SRSF1: variants seen among roughly 807,000 people sequenced by gnomAD.
SRSF1 encodes serine and arginine rich splicing factor 1.
In SRSF1, 1 loss-of-function variant was observed where a neutral mutation model predicts 25.9. The observed-to-expected ratio is 0.04, with a 90% CI of 0.01 to 0.18. The LOEUF is 0.18. Among genes scored for constraint, SRSF1 ranks in the 10% least tolerant of loss-of-function variants. The pLI, the probability that SRSF1 is intolerant of heterozygous loss-of-function variation, is 1.00. For missense variants in SRSF1, 65 were observed against 350.5 expected, an observed-to-expected ratio of 0.19 and a Z score of 6.50; for synonymous variants, 132 against 126.2, an observed-to-expected ratio of 1.05 and a Z score of -0.31.
chr17:57,996,530 A>T (rs1367958337), downstream of SRSF1, among the ~76,000 whole-genome samples: 1 of 150,386 alleles, frequency 6.6e-6, no homozygotes, highest in Non-Finnish European at 1.5e-5. Flanking sequence ...TTTACTATGT[A>T]GCTGAAGAAA....
At chr17:57,997,030 A>G (rs2075368216), downstream of SRSF1, among the ~76,000 whole-genome samples, 1 of 152,242 alleles carries the variant, frequency 6.6e-6, no homozygotes, top group Admixed American at 6.5e-5. Context: ...GAGGCAACTT[A>G]AAGCTTCCTC....
At position 58,006,244 on chromosome 17, in the gene SRSF1, T is replaced by C. The variant is rs139746168; in HGVS notation, c.379+99A>G. 2.2e-4 allele frequency: 305 copies of C among 1,412,968 alleles called. 2 individuals carry two copies. The African/African-American group carries it at 3.9e-3, about 18-fold the overall frequency. 87.5% of individuals were successfully genotyped at this position (1,412,968 alleles called of 1,614,324 possible). A position where few individuals can be genotyped will look rare whatever the true frequency, so the allele number is the denominator to read the frequency against. ...CCAAAAACTAAAGCAATTTAAGACC[T>C]AGCATGAAAAATTTGCAATTATTAA... is the stretch of plus-strand genomic sequence containing the variant. On this transcript the variant is annotated intron_variant, in intron 2 of 3. Coordinates refer to ENST00000258962, the MANE Select transcript of SRSF1 (RefSeq NM_006924.5).
chr17:57,991,216 T>A, the SRSF1 span: 2 of 152,234 alleles, frequency 1.3e-5, no homozygotes, highest in African/African-American at 2.4e-5. Context: ...CCTATTAAAA[T>A]CTGTTGTTCT....
Position 58,003,085 on chromosome 17 carries a change from T to G in SRSF1, c.*2321A>C, listed in dbSNP as rs911923281. ...TACTTACCTTTTTTTGAGATGAGTT[T>G]CATTGAGAATATCAAAAGCTATCTC... is the stretch of plus-strand genomic sequence containing the variant. On this transcript the variant is annotated 3_prime_UTR_variant, in exon 4 of 4. Transcript: ENST00000258962. Among the ~76,000 whole-genome samples, 2 of 152,248 alleles carry G rather than the reference T, an allele frequency of 1.3e-5. No homozygotes were observed. Among genetic ancestry groups the G allele is most frequent in the Non-Finnish European group, 1.5e-5 (1 of 68,040 alleles).
At chr17:57,998,773 T>C (rs2075374140), downstream of SRSF1, among the ~76,000 whole-genome samples, 4 of 152,330 alleles carry the variant, frequency 2.6e-5, no homozygotes, top group South Asian at 6.2e-4. Context: ...CTTGATTACT[T>C]TTCCCCCCAC....
In SRSF1 at chr17:58,003,141, T is replaced by C. The variant is rs1246616120; in HGVS notation, c.*2265A>G. Among the ~76,000 whole-genome samples, 2 of 152,220 alleles carry C rather than the reference T, an allele frequency of 1.3e-5. No individual in the cohort carries two copies. Among genetic ancestry groups the C allele is most frequent in the African/African-American group, 4.8e-5 (2 of 41,458 alleles). On this transcript the variant is annotated 3_prime_UTR_variant, in exon 4 of 4. Coordinates refer to ENST00000258962, the MANE Select transcript of SRSF1 (RefSeq NM_006924.5). Reference sequence around the variant, plus strand: ...GAACATTAGTAGCCATCAACCAATTTTGCACAAAAGCCTATGTTGTCTATG... The same window carrying C: ...GAACATTAGTAGCCATCAACCAATTCTGCACAAAAGCCTATGTTGTCTATG...
the SRSF1 span, chr17:57,990,115 G>A: frequency 1.0e-5 from 2 of 190,958 alleles, no homozygotes; most frequent in African/African-American, 4.6e-5. Flanking sequence ...TCAGGATTAT[G>A]AAAACTAGTA....
Position 58,007,142 on chromosome 17 carries a change from G to T in SRSF1, c.-5C>A. Reference sequence around the variant, plus strand: ...AATCACACCACCTCCCGACATGGCGGTGACGAAAAGCGCGGACTCGAGAAC... The same window carrying T: ...AATCACACCACCTCCCGACATGGCGTTGACGAAAAGCGCGGACTCGAGAAC... On this transcript the variant is annotated 5_prime_UTR_variant, in exon 1 of 4. Transcript: ENST00000258962. 1 of 1,613,816 alleles carries T rather than the reference G, an allele frequency of 6.2e-7. No individual in the cohort carries two copies. The highest frequency in any genetic ancestry group is 8.5e-7 in the Non-Finnish European group (1 of 1,179,936).
intron 1 of SRSF1, 131 bp from the exon 2 acceptor site, chr17:58,006,658 G>A (rs1388865718): frequency 1.8e-6 from 2 of 1,129,942 alleles, no homozygotes; most frequent in African/African-American, 1.6e-5. Context: ...TAATAGGAAT[G>A]GCCCCTCCCC....
chr17:58,000,327 T>C (rs1268914742), downstream of SRSF1, among the ~76,000 whole-genome samples: 1 of 152,168 alleles, frequency 6.6e-6, no homozygotes, highest in Non-Finnish European at 1.5e-5. Context: ...AAGTTACTTT[T>C]GGCAGCATTA....
the SRSF1 span, chr17:57,989,105 C>T: frequency 2.5e-6 from 1 of 397,694 alleles, no homozygotes; most frequent in East Asian, 3.6e-5. Context: ...GAACAAAAAT[C>T]GAACTTCTGG....
chr17:57,992,595 T>G, the SRSF1 span: 2 of 152,152 alleles, frequency 1.3e-5, no homozygotes, highest in African/African-American at 4.8e-5. Flanking sequence ...ACCCACCAGT[T>G]AAGAGGGATA....
intron 1 of SRSF1, 58 bp from the exon 2 acceptor site, chr17:58,006,585 G>T: frequency 1.3e-6 from 2 of 1,527,282 alleles, no homozygotes; most frequent in East Asian, 2.4e-5. Flanking sequence ...AGCTCGCTCA[G>T]TTGGGAACCA....
downstream of SRSF1, among the ~76,000 whole-genome samples, chr17:57,996,892 C>CG (rs1292998154): frequency 1.3e-5 from 2 of 152,166 alleles, no homozygotes; most frequent in African/African-American, 4.8e-5. Context: ...TATCTAGTCT[C>CG]TTCACAATAC....
At position 58,005,622 on chromosome 17, in the gene SRSF1, C is replaced by A; in HGVS notation, c.553-22G>T. 1 of 1,612,582 alleles carries A rather than the reference C, an allele frequency of 6.2e-7. No individual in the cohort carries two copies. Among genetic ancestry groups the A allele is most frequent in the Non-Finnish European group, 8.5e-7 (1 of 1,178,766 alleles). The stretch of plus-strand genomic sequence containing the variant: ...CTCCCTATTGGATAGACAGAACTTT[C>A]CATTGAAAGATCTAAGCTTTCATCT... On this transcript the variant is annotated intron_variant, in intron 3 of 3. Transcript: ENST00000258962. This position sits in a 1 kb window ranked among gnomAD's most constrained non-coding sequence, Gnocchi z 5.2.
the SRSF1 span, chr17:57,991,717 T>TAA: frequency 1.3e-5 from 2 of 150,426 alleles, no homozygotes; most frequent in Non-Finnish European, 2.9e-5. Context: ...CTGAACTGGA[T>TAA]AAGCACACTA....
the SRSF1 span, chr17:57,994,319 T>TA: frequency 6.6e-6 from 1 of 152,220 alleles, no homozygotes; most frequent in Admixed American, 6.5e-5. Context: ...GTGTTAACTC[T>TA]AATCAGTTAA....
the SRSF1 span, chr17:57,991,556 A>G: frequency 6.6e-6 from 1 of 152,220 alleles, no homozygotes; most frequent in Admixed American, 6.5e-5. Context: ...GAAATACCAA[A>G]AAGTATTGGC....
At chr17:57,994,095 AAAG>A in the SRSF1 span, 1 of 152,244 alleles carries the variant, frequency 6.6e-6, no homozygotes, top group Non-Finnish European at 1.5e-5. Flanking sequence ...TTCATACTTT[AAAG>A]GAGAAAGGCA....
Sources: allele counts gnomAD v4.1 joint callset (sites outside exome capture counted in the v4.1 genomes callset), GRCh38; gene constraint gnomAD v4.1.1; non-coding constraint Gnocchi (gnomAD v3.1); transcripts MANE v1.5; gene names NCBI Gene and HGNC (gene_info 2026-07-23, HGNC 2026-07-21).